The following LDAH variants were observed in gnomAD, a reference collection of about 807,000 sequenced individuals.
The protein encoded by LDAH is lipid droplet associated hydrolase.
In LDAH, 26 loss-of-function variants were observed where a neutral mutation model predicts 29.6. The ratio of observed to expected loss-of-function variants is 0.88; its 90% CI spans 0.64 to 1.22. The LOEUF (loss-of-function observed/expected upper bound fraction) is 1.22. Ranked by LOEUF, LDAH falls within the 50% of genes most tolerant of loss-of-function variation. LDAH has a pLI of 0.00. For missense variants in LDAH, 344 were observed against 387.3 expected, an observed-to-expected ratio of 0.89 and a Z score of 0.94; for synonymous variants, 117 against 133.0, an observed-to-expected ratio of 0.88 and a Z score of 0.83.
At position 20,801,294 on chromosome 2, in the gene LDAH, AGACTTT is replaced by A. The variant is rs763665936; in HGVS notation, c.154+10_154+15del. 4.4e-6 allele frequency: 7 copies of A among 1,605,658 alleles called. No individual in the cohort carries two copies. The East Asian group carries it at 1.6e-4, about 36-fold the overall frequency. On this transcript the variant is annotated intron_variant, in intron 2 of 6. Transcript: ENST00000237822. ...GTATCTACAAAAAGTCTCCTCACCC[AGACTTT>A]TACGCTCACCAGGAATAATGAAAAT...
chr2:20,779,626 G>C (rs1335632346), intron 3 of LDAH, among the ~76,000 whole-genome samples: 2 of 151,800 alleles, frequency 1.3e-5, no homozygotes, highest in Admixed American at 6.6e-5. Flanking sequence ...GATAGAACTA[G>C]AGATGGGATA....
chr2:20,741,338 A>G (rs6758035), intron 4 of LDAH, among the ~76,000 whole-genome samples: 1,925 of 152,296 alleles, frequency 0.013, 32 homozygotes, highest in African/African-American at 0.044. Flanking sequence ...AGTCATCATC[A>G]TATCCAAGGT....
At chr2:20,803,391 G>A (rs766380437) in intron 1 of LDAH, among the ~76,000 whole-genome samples, 48 of 152,218 alleles carry the variant, frequency 3.2e-4, no homozygotes, top group Non-Finnish European at 5.9e-4. Context: ...CATATGCACC[G>A]GCTTGGCCAG....
intron 1 of LDAH, among the ~76,000 whole-genome samples, chr2:20,809,898 A>T (rs1294929462): frequency 6.6e-6 from 1 of 152,252 alleles, no homozygotes; most frequent in Non-Finnish European, 1.5e-5. Flanking sequence ...TTAGAAAACC[A>T]GAAATTCCAC....
At chr2:20,731,436 C>T (rs948267173) in intron 5 of LDAH, among the ~76,000 whole-genome samples, 6 of 152,146 alleles carry the variant, frequency 3.9e-5, no homozygotes, top group African/African-American at 7.2e-5. Context: ...TTGAGGCGTC[C>T]GCAGAAGTGG....
At chr2:20,736,718 C>T (rs1666815472) in intron 5 of LDAH, among the ~76,000 whole-genome samples, 1 of 152,016 alleles carries the variant, frequency 6.6e-6, no homozygotes, top group South Asian at 2.1e-4. Flanking sequence ...TCTAAATCAC[C>T]ATGGACTCTA....
intron 4 of LDAH, among the ~76,000 whole-genome samples, chr2:20,745,330 G>GT (rs1345418286): frequency 6.6e-6 from 1 of 152,064 alleles, no homozygotes; most frequent in Non-Finnish European, 1.5e-5. Context: ...GTTACATTTT[G>GT]TTTTTCTAAT....
At chr2:20,745,309 T>C (rs1667492431) in intron 4 of LDAH, among the ~76,000 whole-genome samples, 1 of 152,180 alleles carries the variant, frequency 6.6e-6, no homozygotes, top group Non-Finnish European at 1.5e-5. Flanking sequence ...TCCATATCCT[T>C]ATCAACACTT....
At chr2:20,740,336 A>C in intron 4 of LDAH, 131 bp from the exon 5 acceptor site, 2 of 664,708 alleles carry the variant, frequency 3.0e-6, no homozygotes, top group Non-Finnish European at 5.2e-6. Context: ...GAGTGAGAAG[A>C]ACCACCACTC....
intron 5 of LDAH, among the ~76,000 whole-genome samples, chr2:20,737,914 T>A (rs1666903783): frequency 6.6e-6 from 1 of 152,118 alleles, no homozygotes; most frequent in Non-Finnish European, 1.5e-5. Flanking sequence ...GATATCCTGA[T>A]ATCTGGAGAA....
At chr2:20,724,598 C>T (rs1461503371) in intron 5 of LDAH, among the ~76,000 whole-genome samples, 1 of 152,114 alleles carries the variant, frequency 6.6e-6, no homozygotes, top group Non-Finnish European at 1.5e-5. Context: ...CACTGGTAAG[C>T]CAAGCTGGCA....
intron 5 of LDAH, among the ~76,000 whole-genome samples, chr2:20,722,241 G>T (rs1193535662): frequency 6.6e-6 from 1 of 152,056 alleles, no homozygotes; most frequent in East Asian, 1.9e-4. Flanking sequence ...GAGCGTGGTG[G>T]TGTGCGCCTG....
At chr2:20,689,994 C>T (rs340596) in intron 6 of LDAH, among the ~76,000 whole-genome samples, 76,192 of 152,114 alleles carry the variant, frequency 0.5, 20,114 homozygotes, top group African/African-American at 0.67. Context: ...CGTCACTGTA[C>T]GCACCGCTGT....
chr2:20,707,753 C>A (rs1664418635), intron 5 of LDAH, among the ~76,000 whole-genome samples: 1 of 152,214 alleles, frequency 6.6e-6, no homozygotes, highest in East Asian at 1.9e-4. Flanking sequence ...CAGAGAACGT[C>A]ACAACCAACA....
Position 20,685,322 on chromosome 2 carries a change from C to T in LDAH, c.*1581G>A. ...GTGAGTATCTCCTGTATGCAAGGCG[C>T]TCAGAGCCATGATTCCTAGCTTCTA... On this transcript the variant is annotated 3_prime_UTR_variant, in exon 7 of 7. Transcript: ENST00000237822. The T allele has an allele frequency of 1.7e-6, 1 of 578,706 alleles. No individual in the cohort carries two copies. The highest frequency in any genetic ancestry group is 2.9e-6 in the Non-Finnish European group (1 of 342,624). 35.8% of individuals were successfully genotyped at this position (578,706 alleles called of 1,614,324 possible). A position where few individuals can be genotyped will look rare whatever the true frequency, so the allele number is the denominator to read the frequency against.
At chr2:20,761,873 A>G (rs1036213110) in intron 4 of LDAH, among the ~76,000 whole-genome samples, 1 of 151,920 alleles carries the variant, frequency 6.6e-6, no homozygotes, top group Admixed American at 6.6e-5. Context: ...AAAAAAAAAG[A>G]GAGAGAAAAA....
In LDAH at chr2:20,801,327, A is replaced by C; in HGVS notation, c.137T>G (p.Leu46Arg). The C allele has an allele frequency of 1.2e-6, 2 of 1,613,682 alleles. No individual in the cohort carries two copies. The highest frequency in any genetic ancestry group is 1.1e-5 in the South Asian group (1 of 90,858). ...HDQSVKRPKL[L>R]IFIIPGNPGF... ...ACGCTCACCAGGAATAATGAAAATA[A>C]GCAGCTTAGGCCTTTTGACACTTTG... is the stretch of plus-strand genomic sequence containing the variant. The change falls in exon 2 of 7, where the codon CTT becomes CGT. Residue 46 changes from leucine (L) to arginine (R), a missense_variant. Leu to Arg is a moderately radical substitution (Grantham distance 102, BLOSUM62 -2). Coordinates refer to ENST00000237822, the MANE Select transcript of LDAH (RefSeq NM_021925.4).
At chr2:20,820,197 A>G (rs1207426279) in intron 1 of LDAH, among the ~76,000 whole-genome samples, 3 of 151,830 alleles carry the variant, frequency 2.0e-5, no homozygotes, top group Admixed American at 1.3e-4. Flanking sequence ...GCCCAAGGTA[A>G]TTTATAGATT....
Position 20,686,777 on chromosome 2 carries a change from G to T in LDAH, c.*126C>A, listed in dbSNP as rs895308292. 4.6e-6 allele frequency: 4 copies of T among 866,104 alleles called. No homozygotes were observed. Among genetic ancestry groups the T allele is most frequent in the Non-Finnish European group, 7.1e-6 (4 of 565,420 alleles). 53.7% of individuals were successfully genotyped at this position (866,104 alleles called of 1,614,324 possible). ...AACATGGCGAGCGGAGAGTTGGTTT[G>T]TAAGACAAAGGTTCTCACTTTCTTC... On this transcript the variant is annotated 3_prime_UTR_variant, in exon 7 of 7. Coordinates refer to ENST00000237822, the MANE Select transcript of LDAH (RefSeq NM_021925.4).
Sources: allele counts gnomAD v4.1 joint callset (sites outside exome capture counted in the v4.1 genomes callset), GRCh38; gene constraint gnomAD v4.1.1; transcripts MANE v1.5; gene names NCBI Gene and HGNC (gene_info 2026-07-23, HGNC 2026-07-21).